The following DIAPH3 variants were observed in gnomAD, a reference collection of about 807,000 sequenced individuals.
DIAPH3 encodes the protein diaphanous related formin 3.
A neutral mutation model predicts 144.3 loss-of-function variants in DIAPH3; 117 were observed. That is an observed-to-expected ratio of 0.81 (90% confidence interval 0.70 to 0.95). DIAPH3 has a LOEUF of 0.95. Ranked by LOEUF, DIAPH3 falls within the 40% of genes least tolerant of loss-of-function variation. The pLI, the probability that DIAPH3 is intolerant of heterozygous loss-of-function variation, is 0.00. For missense variants in DIAPH3, 1,421 were observed against 1,412.7 expected (o/e 1.01, Z -0.09); for synonymous variants, 519 against 488.9 (o/e 1.06, Z -0.81).
intron 27 of DIAPH3, 126 bp from the exon 28 acceptor site, chr13:59,666,972 AG>A (rs1360919325): frequency 8.8e-6 from 10 of 1,141,296 alleles, no homozygotes; most frequent in Non-Finnish European, 6.3e-6. Context: ...GACTAAACAA[AG>A]AAACAGTCAA....
At chr13:59,862,938 C>T (rs1042155545) in intron 21 of DIAPH3, among the ~76,000 whole-genome samples, 3 of 152,078 alleles carry the variant, frequency 2.0e-5, no homozygotes, top group Admixed American at 2.0e-4. Flanking sequence ...ATGGTTAAAC[C>T]TCAGAGGAAT....
intron 20 of DIAPH3, among the ~76,000 whole-genome samples, chr13:59,907,969 G>A (rs1463254458): frequency 6.6e-6 from 1 of 152,070 alleles, no homozygotes; most frequent in African/African-American, 2.4e-5. Context: ...GAAGTTTCAA[G>A]GATATACAAT....
intron 27 of DIAPH3, among the ~76,000 whole-genome samples, chr13:59,724,282 G>GA (rs989639519): frequency 7.2e-5 from 11 of 152,126 alleles, no homozygotes; most frequent in African/African-American, 1.9e-4. Flanking sequence ...CCTAGTAGTA[G>GA]AAAAAACTCG....
intron 12 of DIAPH3, among the ~76,000 whole-genome samples, chr13:59,985,692 G>A (rs1594229758): frequency 1.4e-5 from 1 of 69,514 alleles, no homozygotes; most frequent in Non-Finnish European, 2.9e-5. Flanking sequence ...GACAAACAGA[G>A]AGCCAAATCA....
At chr13:59,792,002 G>A (rs755062318) in intron 25 of DIAPH3, among the ~76,000 whole-genome samples, 1 of 152,160 alleles carries the variant, frequency 6.6e-6, no homozygotes, top group Non-Finnish European at 1.5e-5. Context: ...AGACAACAGT[G>A]TCCTTCTGAT....
chr13:59,796,806 A>C (rs145364522), intron 25 of DIAPH3, among the ~76,000 whole-genome samples: 291 of 152,348 alleles, frequency 1.9e-3, no homozygotes, highest in African/African-American at 6.5e-3. Flanking sequence ...ATCTTAAAGT[A>C]GAGATTATGT....
intron 27 of DIAPH3, among the ~76,000 whole-genome samples, chr13:59,710,189 T>C (rs1206748928): frequency 4.0e-5 from 6 of 150,938 alleles, no homozygotes; most frequent in Admixed American, 2.0e-4. Context: ...GGCACATGTA[T>C]ACATATGTAA....
intron 2 of DIAPH3, among the ~76,000 whole-genome samples, chr13:60,116,631 T>C (rs990074257): frequency 2.0e-5 from 3 of 151,798 alleles, no homozygotes; most frequent in Non-Finnish European, 2.9e-5. Flanking sequence ...TATGCCAAAC[T>C]TATAATGAAG....
intron 27 of DIAPH3, among the ~76,000 whole-genome samples, chr13:59,764,048 A>G (rs1431968551): frequency 6.6e-6 from 1 of 151,774 alleles, no homozygotes; most frequent in African/African-American, 2.4e-5. Context: ...TTGCTTCTGT[A>G]TGCTAAGAAC....
intron 24 of DIAPH3, among the ~76,000 whole-genome samples, chr13:59,817,962 T>C (rs1283588383): frequency 6.6e-6 from 1 of 152,006 alleles, no homozygotes; most frequent in Non-Finnish European, 1.5e-5. Flanking sequence ...TTTCTTTACA[T>C]TTGTTTTCAT....
chr13:60,008,991 T>C (rs1380196460), intron 8 of DIAPH3, among the ~76,000 whole-genome samples: 1 of 152,154 alleles, frequency 6.6e-6, no homozygotes, highest in East Asian at 1.9e-4. Flanking sequence ...ATTAGGAGAC[T>C]AAGGCAGAAA....
intron 9 of DIAPH3, among the ~76,000 whole-genome samples, chr13:60,000,401 T>C (rs951842487): frequency 3.3e-5 from 5 of 151,852 alleles, no homozygotes; most frequent in Non-Finnish European, 5.9e-5. Context: ...TTTCATGTTA[T>C]ATATATCCTA....
chr13:59,848,398 G>A (rs1473586670), intron 22 of DIAPH3, among the ~76,000 whole-genome samples: 1 of 148,958 alleles, frequency 6.7e-6, no homozygotes, highest in Non-Finnish European at 1.5e-5. Flanking sequence ...CATGTGCCAT[G>A]CTGGTGCGCT....
intron 20 of DIAPH3, among the ~76,000 whole-genome samples, chr13:59,886,280 A>G (rs549223654): frequency 1.9e-4 from 29 of 152,230 alleles, no homozygotes; most frequent in Non-Finnish European, 4.1e-4. Context: ...TATTTGATAC[A>G]AAGAACATCA....
At chr13:59,748,684 G>T (rs1272301807) in intron 27 of DIAPH3, among the ~76,000 whole-genome samples, 2 of 152,110 alleles carry the variant, frequency 1.3e-5, no homozygotes, top group Non-Finnish European at 2.9e-5. Flanking sequence ...TGATATAAAT[G>T]TATGCAACCT....
chr13:59,917,601 A>G (rs2047283156), intron 18 of DIAPH3, among the ~76,000 whole-genome samples: 1 of 152,070 alleles, frequency 6.6e-6, no homozygotes, highest in African/African-American at 2.4e-5. Flanking sequence ...AAGAGTAAAT[A>G]GAGATTTGGC....
chr13:59,693,134 C>T (rs1049669231), intron 27 of DIAPH3, among the ~76,000 whole-genome samples: 6 of 152,070 alleles, frequency 3.9e-5, no homozygotes, highest in South Asian at 2.1e-4. Context: ...AGTGGAAGAA[C>T]GGCATTCCAG....
intron 25 of DIAPH3, among the ~76,000 whole-genome samples, chr13:59,806,381 A>G (rs1359568700): frequency 6.6e-6 from 1 of 152,030 alleles, no homozygotes; most frequent in Non-Finnish European, 1.5e-5. Context: ...AAAACACACC[A>G]TATTAGCACA....
Position 59,861,470 on chromosome 13 carries a change from C to T in DIAPH3, c.2674G>A (p.Glu892Lys). The T allele has an allele frequency of 6.2e-7, 1 of 1,613,792 alleles. No homozygotes were observed. The change falls in exon 22 of 28, where the codon GAG becomes AAG. Residue 892 changes from glutamate to lysine, a missense_variant. Transcript: ENST00000400324. ...AAATTCAGTATATCAGGGTACTTCT[C>T]TTCACATATTTCTACCAGGAAATGA... is the stretch of plus-strand genomic sequence containing the variant. Reference protein sequence around the residue: ...LLHFLVEICEEKYPDILNFVD... With the variant: ...LLHFLVEICEKKYPDILNFVD...
Sources: gnomAD v4.1 joint callset for allele counts (sites outside exome capture counted in the v4.1 genomes callset) on GRCh38, gnomAD v4.1.1 for gene constraint, MANE v1.5 for transcripts, NCBI Gene and HGNC (gene_info 2026-07-23, HGNC 2026-07-21) for gene names.